ITGB3BP: variants seen among roughly 807,000 people sequenced by gnomAD.
ITGB3BP encodes centromere protein R.
A neutral mutation model predicts 29.1 loss-of-function variants in ITGB3BP; 27 were observed. The ratio of observed to expected loss-of-function variants is 0.93; its 90% CI spans 0.68 to 1.28. The LOEUF (loss-of-function observed/expected upper bound fraction) is 1.28, where lower values mean the gene tolerates loss of function less well. ITGB3BP is among the 50% of genes most tolerant of loss of function. ITGB3BP has a pLI of 0.00. For synonymous variants in ITGB3BP, 61 were observed against 61.4 expected, an observed-to-expected ratio of 0.99 and a Z score of 0.03; for missense variants, 192 against 200.2, an observed-to-expected ratio of 0.96 and a Z score of 0.25.
chr1:63,476,878 A>G (rs1469757716), intron 4 of ITGB3BP, among the ~76,000 whole-genome samples: 1 of 152,226 alleles, frequency 6.6e-6, no homozygotes, highest in African/African-American at 2.4e-5. Flanking sequence ...GTATAATTTG[A>G]ACTTTTTCCT....
At chr1:63,505,510 C>T (rs1239929740) in intron 2 of ITGB3BP, among the ~76,000 whole-genome samples, 1 of 151,996 alleles carries the variant, frequency 6.6e-6, no homozygotes, top group African/African-American at 2.4e-5. Context: ...TCTCTATTTC[C>T]TTCAGTTCTG....
intron 8 of ITGB3BP, among the ~76,000 whole-genome samples, chr1:63,441,482 C>A (rs926901840): frequency 5.9e-5 from 9 of 152,136 alleles, no homozygotes; most frequent in African/African-American, 2.2e-4. Flanking sequence ...GTGATCTGCC[C>A]ACCTCGGCCT....
At chr1:63,524,183 ATATACT>A (rs1191847033), upstream of ITGB3BP, among the ~76,000 whole-genome samples, 4 of 152,210 alleles carry the variant, frequency 2.6e-5, no homozygotes, top group Admixed American at 6.5e-5. Flanking sequence ...CGATCCTAAA[ATATACT>A]TATATTTTAA....
At chr1:63,493,454 A>AAATC (rs1553164338) in intron 2 of ITGB3BP, among the ~76,000 whole-genome samples, 23 of 144,358 alleles carry the variant, frequency 1.6e-4, no homozygotes, top group African/African-American at 5.6e-4. Flanking sequence ...ACAAACAAAC[A>AAATC]AACCTGCTTG....
chr1:63,505,061 G>C (rs1387138167), intron 2 of ITGB3BP, among the ~76,000 whole-genome samples: 2 of 152,104 alleles, frequency 1.3e-5, no homozygotes, highest in African/African-American at 4.8e-5. Context: ...TTTTTCTATT[G>C]ATTGGAATAG....
At chr1:63,456,340 T>C (rs1386795711) in intron 4 of ITGB3BP, among the ~76,000 whole-genome samples, 2 of 152,162 alleles carry the variant, frequency 1.3e-5, no homozygotes, top group Non-Finnish European at 2.9e-5. Flanking sequence ...GTGTTTTTTT[T>C]CTTTAAAAGT....
At chr1:63,473,444 C>T (rs368701277) in intron 4 of ITGB3BP, among the ~76,000 whole-genome samples, 41,447 of 129,262 alleles carry the variant, frequency 0.32, 4,574 homozygotes, top group Non-Finnish European at 0.42. Context: ...CCCCTCTGCC[C>T]GGCCAGTCGC....
At chr1:63,457,848 A>G (rs1644957419) in intron 4 of ITGB3BP, 1 of 152,170 alleles carries the variant, frequency 6.6e-6, no homozygotes, top group South Asian at 2.1e-4. Flanking sequence ...TCAAATCTGC[A>G]TTGTGGTCAA....
chr1:63,489,824 T>C (rs1645607833), intron 3 of ITGB3BP, among the ~76,000 whole-genome samples: 1 of 152,090 alleles, frequency 6.6e-6, no homozygotes, highest in South Asian at 2.1e-4. Flanking sequence ...TTATAATTGA[T>C]AGTAGCTGAA....
intron 4 of ITGB3BP, among the ~76,000 whole-genome samples, chr1:63,456,383 ATCT>A (rs1644937236): frequency 5.3e-5 from 8 of 152,100 alleles, no homozygotes; most frequent in African/African-American, 1.4e-4. Context: ...ATCAGAAGTC[ATCT>A]GTCTGAGGCC....
intron 2 of ITGB3BP, among the ~76,000 whole-genome samples, chr1:63,507,823 A>G (rs1355509946): frequency 2.0e-5 from 3 of 152,204 alleles, no homozygotes; most frequent in Non-Finnish European, 2.9e-5. Flanking sequence ...GAGCCTACTT[A>G]TTGACTAGCT....
At chr1:63,525,436 G>T, upstream of ITGB3BP, 2 of 616,886 alleles carry the variant, frequency 3.2e-6, no homozygotes, top group South Asian at 4.0e-5. Context: ...TTAATATCTT[G>T]ATCTTTTCAT....
chr1:63,449,116 C>T (rs1258074477), intron 7 of ITGB3BP, among the ~76,000 whole-genome samples: 4 of 152,082 alleles, frequency 2.6e-5, no homozygotes, highest in South Asian at 2.1e-4. Flanking sequence ...TCTGTGTACA[C>T]GCTGTAGAAG....
chr1:63,500,731 T>C (rs1224688271), intron 2 of ITGB3BP, among the ~76,000 whole-genome samples: 1 of 152,168 alleles, frequency 6.6e-6, no homozygotes, highest in Non-Finnish European at 1.5e-5. Flanking sequence ...AAATTTGATG[T>C]AATCCTTATC....
chr1:63,495,221 T>G (rs1645757833), intron 2 of ITGB3BP, among the ~76,000 whole-genome samples: 1 of 152,218 alleles, frequency 6.6e-6, no homozygotes, highest in South Asian at 2.1e-4. Flanking sequence ...GTGAATTTTT[T>G]TCTAGATGGT....
chr1:63,498,126 C>T (rs1254169679), intron 2 of ITGB3BP, among the ~76,000 whole-genome samples: 1 of 151,980 alleles, frequency 6.6e-6, no homozygotes, highest in Non-Finnish European at 1.5e-5. Flanking sequence ...TTCAATTCCC[C>T]GCATTCAATA....
intron 4 of ITGB3BP, among the ~76,000 whole-genome samples, chr1:63,461,021 C>A (rs1302534205): frequency 5.4e-5 from 8 of 147,722 alleles, no homozygotes; most frequent in African/African-American, 2.0e-4. Context: ...GGGCAGATCA[C>A]GAGGTTAGGA....
intron 4 of ITGB3BP, among the ~76,000 whole-genome samples, chr1:63,462,118 T>C (rs1645027260): frequency 6.6e-6 from 1 of 152,256 alleles, no homozygotes. Flanking sequence ...GAATACAGAA[T>C]ATCTTTCCTT....
chr1:63,457,900 C>T (rs1422313990), intron 4 of ITGB3BP: 1 of 152,104 alleles, frequency 6.6e-6, no homozygotes, highest in Non-Finnish European at 1.5e-5. Context: ...AGTCTTGGTC[C>T]TCCTTGAATT....
Sources: allele counts gnomAD v4.1 joint callset (sites outside exome capture counted in the v4.1 genomes callset), GRCh38; gene constraint gnomAD v4.1.1; transcripts MANE v1.5; gene names NCBI Gene and HGNC (gene_info 2026-07-23, HGNC 2026-07-21).